The following PRKAR1B variants were observed in gnomAD, a reference collection of about 807,000 sequenced individuals.
The protein encoded by PRKAR1B is cAMP-dependent protein kinase type I-beta regulatory subunit.
Under a neutral mutation model 46.5 loss-of-function variants are expected in PRKAR1B, and 22 were observed. The ratio of observed to expected loss-of-function variants is 0.47; its 90% CI spans 0.34 to 0.68. PRKAR1B has a LOEUF of 0.68. Among genes scored for constraint, PRKAR1B ranks in the 30% least tolerant of loss-of-function variants. PRKAR1B has a pLI of 0.01. For synonymous variants in PRKAR1B, 259 were observed against 217.7 expected (o/e 1.19, Z -1.67); for missense variants, 445 against 535.6 (o/e 0.83, Z 1.67).
chr7:707,158 G>A lies in PRKAR1B; in HGVS notation c.177+4171C>T, dbSNP rs918560328. ...TCTCAGCTCCATTTGAGAATCCATC[G>A]CAAGCTAAGAGGAATTCTTCCCAGT... On this transcript the variant is annotated intron_variant, in intron 2 of 10. Coordinates refer to ENST00000537384, the MANE Select transcript of PRKAR1B (RefSeq NM_001164760.2). Among the ~76,000 whole-genome samples, 14 of 152,206 alleles carry A rather than the reference G, an allele frequency of 9.2e-5. 1 individual carries two copies. Among genetic ancestry groups the A allele is most frequent in the Admixed American group, 8.5e-4 (13 of 15,284 alleles).
intron 4 of PRKAR1B, 121 bp downstream of exon 4, chr7:677,108 G>T: frequency 1.1e-6 from 1 of 941,530 alleles, no homozygotes; most frequent in Non-Finnish European, 1.7e-6. Context: ...AACGGGGGCT[G>T]CCCACCTCCT....
chr7:559,934 T>C (rs1778683033), intron 9 of PRKAR1B, among the ~76,000 whole-genome samples: 2 of 152,054 alleles, frequency 1.3e-5, no homozygotes, highest in African/African-American at 2.4e-5. Context: ...TAGCTGGACG[T>C]GGTGGTACCT....
intron 8 of PRKAR1B, among the ~76,000 whole-genome samples, chr7:580,604 A>T (rs1780117819): frequency 6.6e-6 from 1 of 152,054 alleles, no homozygotes; most frequent in African/African-American, 2.4e-5. Flanking sequence ...TTGCAAACTC[A>T]ATGTTATCTT....
At chr7:671,492 T>TA (rs1275823897) in intron 4 of PRKAR1B, among the ~76,000 whole-genome samples, 2 of 152,148 alleles carry the variant, frequency 1.3e-5, no homozygotes, top group Admixed American at 6.5e-5. Context: ...AGGATCTCGC[T>TA]CTGTTGCCCA....
At chr7:571,492 G>A (rs1045107285) in intron 9 of PRKAR1B, among the ~76,000 whole-genome samples, 15 of 152,350 alleles carry the variant, frequency 9.8e-5, no homozygotes, top group South Asian at 4.1e-4. Flanking sequence ...GCTTTGCAAC[G>A]TGTTGTTTTG....
intron 4 of PRKAR1B, among the ~76,000 whole-genome samples, chr7:638,524 G>T (rs930641527): frequency 6.6e-6 from 1 of 152,160 alleles, no homozygotes; most frequent in Non-Finnish European, 1.5e-5. Context: ...TCCTCGCCAG[G>T]CTCAGACATT....
chr7:631,260 T>C (rs534979981), intron 4 of PRKAR1B, among the ~76,000 whole-genome samples: 25 of 152,328 alleles, frequency 1.6e-4, no homozygotes, highest in African/African-American at 5.8e-4. Flanking sequence ...TGATTCAAAC[T>C]GGTTTTCAAG....
intron 4 of PRKAR1B, among the ~76,000 whole-genome samples, chr7:640,092 G>A (rs1784309780): frequency 6.6e-6 from 1 of 151,522 alleles, no homozygotes; most frequent in Admixed American, 6.6e-5. Context: ...AAACCCGGGA[G>A]GCGCAGGTTG....
Position 676,826 on chromosome 7 carries a change from C to A in PRKAR1B, c.440+403G>T, listed in dbSNP as rs575302880. ...GGAGAGCAACGGGGGCTGCCTACCTCCCCGAGGGCAAGGAGGGTGGTGGTG... is the reference window on the plus strand; with the variant it reads ...GGAGAGCAACGGGGGCTGCCTACCTACCCGAGGGCAAGGAGGGTGGTGGTG... On this transcript the variant is annotated intron_variant, in intron 4 of 10. Coordinates refer to ENST00000537384, the MANE Select transcript of PRKAR1B (RefSeq NM_001164760.2). 1.1e-4 allele frequency among the ~76,000 whole-genome samples: 17 copies of A among 152,176 alleles called. No individual in the cohort carries two copies. In the South Asian group the frequency reaches 3.3e-3, roughly 30 times the overall value.
At chr7:583,865 C>G (rs1780445656) in intron 8 of PRKAR1B, among the ~76,000 whole-genome samples, 1 of 152,230 alleles carries the variant, frequency 6.6e-6, no homozygotes, top group Admixed American at 6.5e-5. Flanking sequence ...CACACCTGCA[C>G]GGTTCTGCCT....
At chr7:591,068 C>A (rs375162334) in intron 7 of PRKAR1B, among the ~76,000 whole-genome samples, 1 of 152,266 alleles carries the variant, frequency 6.6e-6, no homozygotes, top group African/African-American at 2.4e-5. Flanking sequence ...TACGCCCAGC[C>A]GGAGGAATGC....
intron 9 of PRKAR1B, among the ~76,000 whole-genome samples, chr7:570,599 G>A (rs560310510): frequency 4.8e-4 from 73 of 152,142 alleles, no homozygotes; most frequent in African/African-American, 1.6e-3. Flanking sequence ...TGCTGTGGCC[G>A]GCCTGCTCCT....
chr7:658,732 C>T lies in PRKAR1B; in HGVS notation c.440+18497G>A, dbSNP rs184602902. On this transcript the variant is annotated intron_variant, in intron 4 of 10. Transcript: ENST00000537384. Reference sequence around the variant, plus strand: ...GTGGTGCATTCTCAGCTCACTGCAACCTCCACCTCCCTGGTTCAAGTGATT... The same window carrying T: ...GTGGTGCATTCTCAGCTCACTGCAATCTCCACCTCCCTGGTTCAAGTGATT... Among the ~76,000 whole-genome samples, 85 of 152,240 alleles carry T rather than the reference C, an allele frequency of 5.6e-4. No individual in the cohort carries two copies. The East Asian group carries it at 0.015, about 28-fold the overall frequency.
chr7:686,023 A>G lies in PRKAR1B; in HGVS notation c.178-5297T>C, dbSNP rs1211657613. On this transcript the variant is annotated intron_variant, in intron 2 of 10. Coordinates refer to ENST00000537384, the MANE Select transcript of PRKAR1B (RefSeq NM_001164760.2). The stretch of plus-strand genomic sequence containing the variant: ...TGCCTTTTAAAATGGAGAATCGGCC[A>G]GGTGTGGTGGCTCACACCTGTAATC... 2.6e-5 allele frequency among the ~76,000 whole-genome samples: 4 copies of G among 152,316 alleles called. No individual in the cohort carries two copies. In the East Asian group the frequency reaches 7.7e-4, roughly 29 times the overall value.
intron 9 of PRKAR1B, among the ~76,000 whole-genome samples, chr7:567,882 G>C (rs1025149229): frequency 2.6e-5 from 4 of 152,152 alleles, no homozygotes; most frequent in African/African-American, 4.8e-5. Context: ...CTGGGAGAGG[G>C]GGGTGGGGAG....
intron 4 of PRKAR1B, among the ~76,000 whole-genome samples, chr7:665,420 A>G (rs1785852797): frequency 6.6e-6 from 1 of 152,096 alleles, no homozygotes; most frequent in Admixed American, 6.5e-5. Flanking sequence ...GAAAGACAAC[A>G]TGCCCGAGGC....
chr7:719,287 G>A lies in PRKAR1B; in HGVS notation c.-22-7760C>T, dbSNP rs183655555. Among the ~76,000 whole-genome samples the A allele has an allele frequency of 2.6e-4, 40 of 152,160 alleles. 1 individual carries two copies. In the East Asian group the frequency reaches 6.2e-3, roughly 24 times the overall value. ...ACTCCTGAGCTCAAGTGATCCACCC[G>A]CCTTAGCCTCCCAAAGTGCTGGGAT... On this transcript the variant is annotated intron_variant, in intron 1 of 10. Coordinates refer to ENST00000537384, the MANE Select transcript of PRKAR1B (RefSeq NM_001164760.2).
intron 4 of PRKAR1B, among the ~76,000 whole-genome samples, chr7:623,651 C>G (rs1783228907): frequency 6.6e-6 from 1 of 152,224 alleles, no homozygotes; most frequent in Non-Finnish European, 1.5e-5. Context: ...TCCACTGCCA[C>G]TTAGGTGGAA....
intron 9 of PRKAR1B, chr7:578,974 G>A (rs185008415): frequency 3.4e-5 from 42 of 1,236,406 alleles, no homozygotes; most frequent in Middle Eastern, 6.8e-4. Context: ...GAGCCGCCGC[G>A]CCCGGCCAGT....
Sources: gnomAD v4.1 joint callset for allele counts (sites outside exome capture counted in the v4.1 genomes callset) on GRCh38, gnomAD v4.1.1 for gene constraint, MANE v1.5 for transcripts, NCBI Gene and HGNC (gene_info 2026-07-23, HGNC 2026-07-21) for gene names.